The following CSMD1 variants were observed in gnomAD, a reference collection of about 807,000 sequenced individuals.
The protein encoded by CSMD1 is CUB and Sushi multiple domains 1, also known as CUB and sushi domain-containing protein 1.
Under a neutral mutation model 417.5 loss-of-function variants are expected in CSMD1, and 213 were observed. The observed-to-expected ratio is 0.51, with a 90% CI of 0.46 to 0.57. The LOEUF (loss-of-function observed/expected upper bound fraction) is 0.57. Among genes scored for constraint, CSMD1 ranks in the 20% least tolerant of loss-of-function variants. CSMD1 has a pLI of 0.00. For synonymous variants in CSMD1, 2,862 were observed against 1,736.8 expected, an observed-to-expected ratio of 1.65 and a Z score of -16.11; for missense variants, 6,923 against 4,529.7, an observed-to-expected ratio of 1.53 and a Z score of -15.17.
At chr8:3,710,245 A>G (rs1585113983) in intron 6 of CSMD1, among the ~76,000 whole-genome samples, 1 of 152,134 alleles carries the variant, frequency 6.6e-6, no homozygotes, top group Non-Finnish European at 1.5e-5. Flanking sequence ...AAATAAGTGG[A>G]TCCATGCAGT....
intron 39 of CSMD1, 33 bp from the exon 40 acceptor site, chr8:3,151,546 T>C: frequency 2.2e-6 from 3 of 1,355,558 alleles, no homozygotes; most frequent in South Asian, 1.2e-5. Context: ...GTCCTGCAGG[T>C]CCTCACTTTC....
At chr8:4,764,525 T>C (rs1812316595) in intron 1 of CSMD1, among the ~76,000 whole-genome samples, 1 of 152,146 alleles carries the variant, frequency 6.6e-6, no homozygotes, top group Non-Finnish European at 1.5e-5. Flanking sequence ...ATTCTTCAAA[T>C]TAAGTGTTCT....
chr8:4,328,114 A>G (rs1487577250), intron 3 of CSMD1, among the ~76,000 whole-genome samples: 1 of 152,166 alleles, frequency 6.6e-6, no homozygotes, highest in African/African-American at 2.4e-5. Context: ...ACAAGTCACT[A>G]TGTCCATTTA....
chr8:3,759,066 T>G (rs960872227), intron 5 of CSMD1, among the ~76,000 whole-genome samples: 12 of 152,262 alleles, frequency 7.9e-5, no homozygotes, highest in African/African-American at 2.9e-4. Flanking sequence ...ACAGCCCAGC[T>G]GACACCTTGA....
intron 1 of CSMD1, among the ~76,000 whole-genome samples, chr8:4,751,501 A>G (rs1811324161): frequency 1.3e-5 from 2 of 152,210 alleles, no homozygotes; most frequent in African/African-American, 4.8e-5. Flanking sequence ...TTGTGGAATC[A>G]TGAGCTAGAT....
At chr8:4,064,103 T>C (rs937904708) in intron 3 of CSMD1, among the ~76,000 whole-genome samples, 7 of 152,204 alleles carry the variant, frequency 4.6e-5, no homozygotes, top group Admixed American at 1.3e-4. Context: ...TCTACTCTCC[T>C]GCAGCAAAGG....
chr8:3,687,063 G>C (rs1004022790), intron 7 of CSMD1, among the ~76,000 whole-genome samples: 2 of 152,174 alleles, frequency 1.3e-5, no homozygotes, highest in Non-Finnish European at 2.9e-5. Flanking sequence ...GGATGTGACA[G>C]TATTGGATAT....
chr8:4,358,265 C>T (rs1470142019), intron 3 of CSMD1, among the ~76,000 whole-genome samples: 1 of 152,258 alleles, frequency 6.6e-6, no homozygotes, highest in African/African-American at 2.4e-5. Context: ...TTTGCTTTAC[C>T]AGTGGGTGTG....
chr8:3,400,860 G>A (rs175094), intron 15 of CSMD1, among the ~76,000 whole-genome samples: 3,730 of 151,024 alleles, frequency 0.025, 75 homozygotes, highest in South Asian at 0.041. Context: ...TTATACCTAT[G>A]CATTATTCTG....
chr8:3,991,410 T>C (rs143736486), intron 5 of CSMD1, among the ~76,000 whole-genome samples: 1 of 152,194 alleles, frequency 6.6e-6, no homozygotes, highest in African/African-American at 2.4e-5. Context: ...TTTAGTCACA[T>C]CTTTATGCGA....
At chr8:4,017,844 A>G (rs984217258) in intron 4 of CSMD1, among the ~76,000 whole-genome samples, 4 of 152,152 alleles carry the variant, frequency 2.6e-5, no homozygotes, top group East Asian at 1.9e-4. Flanking sequence ...GGGTGACTGT[A>G]TATCTGGTGG....
intron 26 of CSMD1, among the ~76,000 whole-genome samples, chr8:3,237,193 T>C (rs953443816): frequency 6.7e-6 from 1 of 149,400 alleles, no homozygotes; most frequent in Non-Finnish European, 1.5e-5. Flanking sequence ...GCAGGCCGGG[T>C]GCGGTAGCTC....
intron 39 of CSMD1, among the ~76,000 whole-genome samples, chr8:3,156,012 T>G (rs757688009): frequency 6.6e-6 from 1 of 152,252 alleles, no homozygotes. Flanking sequence ...GAAATTAGGC[T>G]GTCAGAAGAA....
At chr8:4,651,854 T>G (rs765533575) in intron 1 of CSMD1, among the ~76,000 whole-genome samples, 7 of 152,208 alleles carry the variant, frequency 4.6e-5, no homozygotes, top group Non-Finnish European at 8.8e-5. Context: ...AAAGGACTCC[T>G]GTCTTATAAA....
intron 7 of CSMD1, among the ~76,000 whole-genome samples, chr8:3,658,224 T>C (rs560125882): frequency 3.9e-5 from 6 of 152,216 alleles, no homozygotes; most frequent in Non-Finnish European, 8.8e-5. Context: ...CAATGTAAAA[T>C]AAAAGATAAA....
intron 5 of CSMD1, among the ~76,000 whole-genome samples, chr8:3,926,448 A>C (rs1053529028): frequency 2.0e-5 from 3 of 152,022 alleles, no homozygotes; most frequent in Non-Finnish European, 4.4e-5. Flanking sequence ...TGTTATAAAT[A>C]TTTGTTGAAT....
At chr8:4,274,185 A>C (rs926152079) in intron 3 of CSMD1, among the ~76,000 whole-genome samples, 1 of 152,174 alleles carries the variant, frequency 6.6e-6, no homozygotes, top group Non-Finnish European at 1.5e-5. Flanking sequence ...ATTAGACATC[A>C]AAGCAGAACC....
intron 12 of CSMD1, among the ~76,000 whole-genome samples, chr8:3,443,618 C>T (rs1272908655): frequency 6.6e-6 from 1 of 152,116 alleles, no homozygotes; most frequent in African/African-American, 2.4e-5. Context: ...ATTATACCTA[C>T]CTTTGCAGAG....
intron 1 of CSMD1, among the ~76,000 whole-genome samples, chr8:4,962,184 T>C (rs1809537512): frequency 7.8e-6 from 1 of 127,974 alleles, no homozygotes; most frequent in Non-Finnish European, 1.7e-5. Context: ...AATGTAAATT[T>C]CTGCTTTTTT....
Sources: gnomAD v4.1 joint callset for allele counts (sites outside exome capture counted in the v4.1 genomes callset) on GRCh38, gnomAD v4.1.1 for gene constraint, MANE v1.5 for transcripts, NCBI Gene and HGNC (gene_info 2026-07-23, HGNC 2026-07-21) for gene names.